PACRGL: variants seen among roughly 807,000 people sequenced by gnomAD.
The protein encoded by PACRGL is PACRG-like protein.
Under a neutral mutation model 34.5 loss-of-function variants are expected in PACRGL, and 38 were observed. That is an observed-to-expected ratio of 1.10 (90% CI 0.85 to 1.44). PACRGL has a LOEUF of 1.44. Among genes scored for constraint, PACRGL ranks in the 40% most tolerant of loss-of-function variants. The pLI, the probability that PACRGL is intolerant of heterozygous loss-of-function variation, is 0.00. For synonymous variants in PACRGL, 128 were observed against 100.1 expected (o/e 1.28, Z -1.66); for missense variants, 305 against 281.4 (o/e 1.08, Z -0.60).
At position 20,739,080 on chromosome 4, in the gene PACRGL, GC is replaced by G. The variant is rs1750423450; in HGVS notation, c.*56+11685del. 2.0e-5 allele frequency among the ~76,000 whole-genome samples: 3 copies of G among 152,178 alleles called. 1 individual carries two copies. Among genetic ancestry groups the G allele is most frequent in the African/African-American group, 7.2e-5 (3 of 41,568 alleles). ...TGCTGAGACTTGACTAGGTAAAGCA[GC>G]CAGGAAGCTCAAACTAGGTGGAGCC... On this transcript the variant is annotated intron_variant, in intron 8 of 8. Coordinates refer to the PACRGL transcript ENST00000507634.
At chr4:20,763,296 AAC>A in the PACRGL span, among the ~76,000 whole-genome samples, 1 of 152,316 alleles carries the variant, frequency 6.6e-6, no homozygotes, top group Non-Finnish European at 1.5e-5. Context: ...CAACCTGTAT[AAC>A]ACAGTTAAAA....
chr4:20,767,080 T>C, the PACRGL span: 1 of 152,196 alleles, frequency 6.6e-6, no homozygotes, highest in Non-Finnish European at 1.5e-5. Flanking sequence ...GGTAATAGTT[T>C]AGGATTTGGT....
chr4:20,738,495 G>A (rs986444512), intron 8 of PACRGL, among the ~76,000 whole-genome samples: 1 of 151,906 alleles, frequency 6.6e-6, no homozygotes, highest in African/African-American at 2.4e-5. Flanking sequence ...GGGGAAGCCT[G>A]TACTGCTTCC....
intron 7 of PACRGL, among the ~76,000 whole-genome samples, chr4:20,720,836 G>C: frequency 6.6e-6 from 1 of 151,994 alleles, no homozygotes; most frequent in East Asian, 1.9e-4. Flanking sequence ...TATCTTGGTG[G>C]CATTCTCTGT....
intron 4 of PACRGL, among the ~76,000 whole-genome samples, chr4:20,708,363 C>T (rs1002672236): frequency 6.6e-6 from 1 of 151,590 alleles, no homozygotes. Flanking sequence ...TTCTATAAAG[C>T]ATTTATTTCT....
chr4:20,708,474 G>A (rs751672600), intron 4 of PACRGL, among the ~76,000 whole-genome samples: 3 of 152,020 alleles, frequency 2.0e-5, no homozygotes, highest in Non-Finnish European at 2.9e-5. Context: ...CAAAATTCAA[G>A]AAATCTAGTT....
chr4:20,712,148 C>T (rs556507762), intron 5 of PACRGL, among the ~76,000 whole-genome samples: 1 of 151,516 alleles, frequency 6.6e-6, no homozygotes, highest in African/African-American at 2.4e-5. Context: ...TTTCCTTTTC[C>T]TCCTTCCATT....
chr4:20,753,502 A>G (rs1350761526), downstream of PACRGL, among the ~76,000 whole-genome samples: 1 of 152,190 alleles, frequency 6.6e-6, no homozygotes, highest in African/African-American at 2.4e-5. Flanking sequence ...TTCGTTCTTC[A>G]TAGTATTTGA....
At chr4:20,717,044 T>G (rs1740421089) in intron 7 of PACRGL, among the ~76,000 whole-genome samples, 1 of 152,238 alleles carries the variant, frequency 6.6e-6, no homozygotes, top group Non-Finnish European at 1.5e-5. Context: ...TGTGAGATGG[T>G]ATCTCATTGT....
At chr4:20,726,466 T>C (rs141005446) in intron 8 of PACRGL, among the ~76,000 whole-genome samples, 7 of 152,330 alleles carry the variant, frequency 4.6e-5, no homozygotes, top group Admixed American at 3.9e-4. Context: ...AAATTTCCTA[T>C]TGCAATTACA....
chr4:20,756,524 T>C (rs1049473459), downstream of PACRGL, among the ~76,000 whole-genome samples: 5 of 152,190 alleles, frequency 3.3e-5, no homozygotes, highest in Non-Finnish European at 5.9e-5. Context: ...CCCAGCACTA[T>C]GATCAGTTTC....
At chr4:20,733,211 G>A (rs1176764244), downstream of PACRGL, among the ~76,000 whole-genome samples, 1 of 152,096 alleles carries the variant, frequency 6.6e-6, no homozygotes, top group Non-Finnish European at 1.5e-5. Context: ...TTTAGAATTA[G>A]TGAAATTAAT....
Position 20,713,414 on chromosome 4 carries a change from A to C in PACRGL, c.502-18A>C. The C allele has an allele frequency of 6.2e-7, 1 of 1,603,016 alleles. No individual in the cohort carries two copies. Among genetic ancestry groups the C allele is most frequent in the Non-Finnish European group, 8.5e-7 (1 of 1,170,692 alleles). ...CTTCCCTGATGTCCATACATCCCCCAACTAACCAACCTTACAGGTCCATTC... is the reference window on the plus strand; with the variant it reads ...CTTCCCTGATGTCCATACATCCCCCCACTAACCAACCTTACAGGTCCATTC... On this transcript the variant is annotated intron_variant, in intron 6 of 8. Transcript: ENST00000503585.
the PACRGL span, chr4:20,758,807 A>G: frequency 3.1e-6 from 5 of 1,604,026 alleles, no homozygotes; most frequent in Middle Eastern, 1.7e-4. Context: ...TAACAAGTCC[A>G]CATTTGTACT....
intron 7 of PACRGL, among the ~76,000 whole-genome samples, chr4:20,718,439 C>T (rs1293610290): frequency 1.3e-5 from 2 of 152,240 alleles, no homozygotes; most frequent in East Asian, 3.9e-4. Flanking sequence ...CCAGTTTCTA[C>T]CCATTCAGTA....
rs765788911 is a variant in PACRGL at position 20,704,814 on chromosome 4, G to C, written c.207G>C (p.Pro69=). 1.9e-6 allele frequency: 3 copies of C among 1,613,604 alleles called. No homozygotes were observed. Among genetic ancestry groups the C allele is most frequent in the Non-Finnish European group, 2.5e-6 (3 of 1,179,734 alleles). The stretch of plus-strand genomic sequence containing the variant: ...AACTGAACCCTAAAACAATTAATCC[G>C]GTAGGTCCAAAACTATTCCTAACTC... ...SDKLNPKTIN[P]FGEQSRVPSA... is the part of the protein sequence containing the mutation. Residue 69 remains proline, a splice_region_variant and synonymous_variant, in exon 3 of 9, where the codon CCG becomes CCC. Coordinates refer to ENST00000503585, the MANE Select transcript of PACRGL (RefSeq NM_001258345.3).
intron 8 of PACRGL, among the ~76,000 whole-genome samples, chr4:20,745,335 A>T (rs1752188931): frequency 6.6e-6 from 1 of 152,210 alleles, no homozygotes; most frequent in Admixed American, 6.5e-5. Context: ...AATTTACATT[A>T]AAAGATAGCT....
intron 1 of PACRGL, 99 bp from the exon 2 acceptor site, chr4:20,704,367 T>G: frequency 9.2e-7 from 1 of 1,089,280 alleles, no homozygotes; most frequent in Non-Finnish European, 1.3e-6. Context: ...GTGTGTCTTT[T>G]ACTGTATTGT....
upstream of PACRGL, among the ~76,000 whole-genome samples, chr4:20,698,129 A>G (rs902405194): frequency 1.2e-4 from 18 of 152,146 alleles, no homozygotes; most frequent in African/African-American, 4.3e-4. Flanking sequence ...GCCAAACCCA[A>G]TCAGAAACCA....
Sources: allele counts gnomAD v4.1 joint callset (sites outside exome capture counted in the v4.1 genomes callset), GRCh38; gene constraint gnomAD v4.1.1; transcripts MANE v1.5; gene names NCBI Gene and HGNC (gene_info 2026-07-23, HGNC 2026-07-21).